The following ASTN2 variants were observed in gnomAD, a reference collection of about 807,000 sequenced individuals.
The protein encoded by ASTN2 is astrotactin-2.
ASTN2 carries 54 observed loss-of-function variants against 139.8 expected under a neutral mutation model. The ratio of observed to expected loss-of-function variants is 0.39; its 90% confidence interval spans 0.31 to 0.48. The LOEUF (loss-of-function observed/expected upper bound fraction) is 0.48. Among genes scored for constraint, ASTN2 ranks in the 20% least tolerant of loss-of-function variants. The probability of loss-of-function intolerance (pLI) is 0.95; values close to 1 mark genes in which losing one functional copy is unlikely to be tolerated. For missense variants in ASTN2, 1,565 were observed against 1,725.1 expected (o/e 0.91, Z 1.64); for synonymous variants, 756 against 719.5 (o/e 1.05, Z -0.81).
At chr9:117,371,650 T>C (rs1440152444) in intron 1 of ASTN2, among the ~76,000 whole-genome samples, 2 of 152,150 alleles carry the variant, frequency 1.3e-5, no homozygotes, top group Non-Finnish European at 2.9e-5. Context: ...TCACATCTCA[T>C]CTCATAGGGT....
intron 20 of ASTN2, among the ~76,000 whole-genome samples, chr9:116,451,906 T>C (rs1848187635): frequency 6.6e-6 from 1 of 151,770 alleles, no homozygotes; most frequent in Admixed American, 6.6e-5. Flanking sequence ...CAGGTTGGCA[T>C]GTGGCTTGGC....
At chr9:116,736,892 C>G (rs1828940401) in intron 13 of ASTN2, among the ~76,000 whole-genome samples, 1 of 152,184 alleles carries the variant, frequency 6.6e-6, no homozygotes, top group Non-Finnish European at 1.5e-5. Flanking sequence ...TATCAAGTCA[C>G]TCTTAGCTCT....
chr9:117,212,767 T>A (rs1023233605), intron 3 of ASTN2, among the ~76,000 whole-genome samples: 5 of 152,158 alleles, frequency 3.3e-5, no homozygotes, highest in Middle Eastern at 3.2e-3. Flanking sequence ...GAATGGCTAT[T>A]ATAAAAAAGT....
At chr9:116,760,098 T>A (rs1034359398) in intron 13 of ASTN2, among the ~76,000 whole-genome samples, 2 of 152,146 alleles carry the variant, frequency 1.3e-5, no homozygotes, top group African/African-American at 4.8e-5. Context: ...AAGATATCAT[T>A]ATTATCATTG....
intron 5 of ASTN2, among the ~76,000 whole-genome samples, chr9:117,086,711 C>T (rs1433995195): frequency 6.6e-6 from 1 of 152,192 alleles, no homozygotes; most frequent in Non-Finnish European, 1.5e-5. Flanking sequence ...GTCTTCACTT[C>T]TCCCGGCTTT....
intron 19 of ASTN2, among the ~76,000 whole-genome samples, chr9:116,596,357 G>A (rs72762015): frequency 0.012 from 1,804 of 152,316 alleles, 16 homozygotes; most frequent in Non-Finnish European, 0.019. Flanking sequence ...GAAATCTGCT[G>A]TAAAACATAG....
At chr9:117,180,211 C>T (rs1831022838) in intron 3 of ASTN2, among the ~76,000 whole-genome samples, 1 of 152,200 alleles carries the variant, frequency 6.6e-6, no homozygotes, top group Non-Finnish European at 1.5e-5. Context: ...CTGGGCATGA[C>T]ACTTCTCAGT....
intron 13 of ASTN2, among the ~76,000 whole-genome samples, chr9:116,768,629 G>A (rs1829876378): frequency 6.6e-6 from 1 of 152,138 alleles, no homozygotes. Context: ...GAGGCCTTTG[G>A]GAAGTGATTA....
Position 117,214,574 on chromosome 9 carries a change from T to G in ASTN2, c.799A>C (p.Ser267Arg). 1 of 1,609,288 alleles carries G rather than the reference T, an allele frequency of 6.2e-7. No homozygotes were observed. Among genetic ancestry groups the G allele is most frequent in the East Asian group, 2.2e-5 (1 of 44,708 alleles). The change falls in exon 3 of 23, where the codon AGC becomes CGC. Residue 267 changes from serine to arginine, a missense_variant. Physicochemically the swap from Ser to Arg is moderately radical, Grantham distance 110 (BLOSUM62 -1). Around this residue, in one of 4 missense-constraint regions of ASTN2, gnomAD observed 596 missense variants for 576.8 expected, o/e 1.03. Transcript: ENST00000313400. Reference sequence around the variant, plus strand: ...GTTTGCAGCCGGGATGAACGGAAGCTCTCCCGCGCCTGGGGACCCAGCAGC... The same window carrying G: ...GTTTGCAGCCGGGATGAACGGAAGCGCTCCCGCGCCTGGGGACCCAGCAGC... ...SVLLGPQARE[S>R]FRSSRLQTHN...
chr9:117,375,058 A>G (rs960247291), intron 1 of ASTN2, among the ~76,000 whole-genome samples: 1 of 152,130 alleles, frequency 6.6e-6, no homozygotes, highest in Non-Finnish European at 1.5e-5. Flanking sequence ...TTACTTAGTT[A>G]GTACTAGATC....
chr9:116,731,845 G>A (rs1362987653), intron 14 of ASTN2, among the ~76,000 whole-genome samples: 5 of 152,130 alleles, frequency 3.3e-5, no homozygotes, highest in African/African-American at 1.2e-4. Flanking sequence ...CTCACAGACC[G>A]TGGACATGTC....
At chr9:116,503,829 TC>T (rs1359150831) in intron 19 of ASTN2, among the ~76,000 whole-genome samples, 4 of 152,178 alleles carry the variant, frequency 2.6e-5, no homozygotes, top group African/African-American at 9.7e-5. Flanking sequence ...CTCACGATAA[TC>T]CTGTGAGGTA....
intron 19 of ASTN2, among the ~76,000 whole-genome samples, chr9:116,514,768 G>C (rs991947468): frequency 6.6e-6 from 1 of 152,158 alleles, no homozygotes; most frequent in African/African-American, 2.4e-5. Flanking sequence ...AGTAAGCGAG[G>C]CTCCATGGGC....
At chr9:116,936,970 G>C (rs759634872) in intron 10 of ASTN2, among the ~76,000 whole-genome samples, 3 of 152,106 alleles carry the variant, frequency 2.0e-5, no homozygotes, top group Non-Finnish European at 4.4e-5. Context: ...GAATATAAGA[G>C]GTGTGAAGGA....
At chr9:116,565,084 C>T (rs1381915206) in intron 19 of ASTN2, among the ~76,000 whole-genome samples, 2 of 151,888 alleles carry the variant, frequency 1.3e-5, no homozygotes, top group Non-Finnish European at 2.9e-5. Context: ...ACAATATTTT[C>T]TAGTCTATTT....
chr9:116,682,793 G>A (rs1226883788), intron 16 of ASTN2, among the ~76,000 whole-genome samples: 4 of 151,868 alleles, frequency 2.6e-5, no homozygotes, highest in East Asian at 1.9e-4. Flanking sequence ...ACCAAACACC[G>A]CATATTCTCA....
At chr9:117,182,011 C>A (rs377661327) in intron 3 of ASTN2, among the ~76,000 whole-genome samples, 2 of 152,076 alleles carry the variant, frequency 1.3e-5, no homozygotes, top group Non-Finnish European at 2.9e-5. Flanking sequence ...AAATGGTGTC[C>A]CTGCTCAACT....
At chr9:116,440,369 T>G (rs1334078858) in intron 22 of ASTN2, among the ~76,000 whole-genome samples, 1 of 152,148 alleles carries the variant, frequency 6.6e-6, no homozygotes, top group Non-Finnish European at 1.5e-5. Context: ...GGAGAATGAT[T>G]AATGCAAAGA....
intron 20 of ASTN2, among the ~76,000 whole-genome samples, chr9:116,486,123 A>G (rs1849330690): frequency 6.6e-6 from 1 of 152,244 alleles, no homozygotes; most frequent in Non-Finnish European, 1.5e-5. Flanking sequence ...CAACTTACCT[A>G]AAGTCACATA....
Sources: gnomAD v4.1 joint callset for allele counts (sites outside exome capture counted in the v4.1 genomes callset) on GRCh38, gnomAD v4.1.1 for gene constraint, gnomAD v4.1.1 regional missense constraint, MANE v1.5 for transcripts, NCBI Gene and HGNC (gene_info 2026-07-23, HGNC 2026-07-21) for gene names.